WDR90: variants seen among roughly 807,000 people sequenced by gnomAD.
The protein encoded by WDR90 is WD repeat domain 90.
Under a neutral mutation model 195.2 loss-of-function variants are expected in WDR90, and 238 were observed. The ratio of observed to expected loss-of-function variants is 1.22; its 90% confidence interval spans 1.10 to 1.36. The LOEUF (loss-of-function observed/expected upper bound fraction) is 1.36, where lower values mean the gene tolerates loss of function less well. WDR90 is among the 40% of genes most tolerant of loss of function. WDR90 has a pLI of 0.00. For synonymous variants in WDR90, 1,265 were observed against 1,052.4 expected (o/e 1.20, Z -3.91); for missense variants, 2,734 against 2,439.5 (o/e 1.12, Z -2.54).
chr16:661,499 T>G lies in WDR90; in HGVS notation c.3671T>G (p.Leu1224Arg), dbSNP rs765815301. Residue 1224 changes from leucine to arginine, a missense_variant and splice_region_variant, in exon 30 of 41, where the codon CTG (leucine) becomes CGG (arginine). Coordinates refer to ENST00000293879, the MANE Select transcript of WDR90 (RefSeq NM_145294.5). ...CCAGATGACAGGCTTCTTGTCACAC[T>G]GGGTCAGTGGGAGGGAGGGTGGAGG... Reference protein sequence around the residue: ...FSPDDRLLVTLGDHDGRTLAL... With the variant: ...FSPDDRLLVTRGDHDGRTLAL... 9.4e-6 allele frequency: 15 copies of G among 1,601,192 alleles called. No homozygotes were observed. The highest frequency in any genetic ancestry group is 1.3e-5 in the African/African-American group (1 of 74,680).
At chr16:656,014 G>A in intron 17 of WDR90, 125 bp downstream of exon 17, 6 of 1,167,840 alleles carry the variant, frequency 5.1e-6, no homozygotes, top group Non-Finnish European at 7.2e-6. Flanking sequence ...GGGTGCCACG[G>A]GGCCAAGTGG....
intron 28 of WDR90, 73 bp from the exon 29 acceptor site, chr16:660,970 CCTGTTCGG>C: frequency 3.3e-5 from 14 of 429,256 alleles, no homozygotes; most frequent in South Asian, 1.6e-4. Context: ...GGCCCCGCCC[CCTGTTCGG>C]CCCCTCCCCA....
At chr16:651,146 A>G in intron 6 of WDR90, 43 bp downstream of exon 6, 2 of 727,004 alleles carry the variant, frequency 2.8e-6, no homozygotes, top group Non-Finnish European at 2.3e-6. Context: ...CGGTGGTGGG[A>G]GGGTGGGTGG....
At position 651,045 on chromosome 16, in the gene WDR90, G is replaced by A; in HGVS notation, c.610G>A (p.Glu204Lys). Reference protein sequence around the residue: ...AKLPVTPMPREMAFPVPKGES... With the variant: ...AKLPVTPMPRKMAFPVPKGES... Reference sequence around the variant, plus strand: ...GCTGCCCGTGACTCCTATGCCTCGGGAAATGGCATTCCCTGTGCCCAAGGG... The same window carrying A: ...GCTGCCCGTGACTCCTATGCCTCGGAAAATGGCATTCCCTGTGCCCAAGGG... The change falls in exon 6 of 41, where the codon GAA becomes AAA. Residue 204 changes from glutamate (E) to lysine (K), a missense_variant. Physicochemically the swap from Glu to Lys is moderately conservative, Grantham distance 56 (BLOSUM62 1). Transcript: ENST00000293879. 1 of 1,612,702 alleles carries A rather than the reference G, an allele frequency of 6.2e-7. No homozygotes were observed. Among genetic ancestry groups the A allele is most frequent in the Non-Finnish European group, 8.5e-7 (1 of 1,179,456 alleles).
chr16:656,550 A>C lies in WDR90; in HGVS notation c.2202+13A>C. The C allele has an allele frequency of 6.4e-7, 1 of 1,564,778 alleles. No individual in the cohort carries two copies. Among genetic ancestry groups the C allele is most frequent in the Non-Finnish European group, 8.6e-7 (1 of 1,156,564 alleles). The stretch of plus-strand genomic sequence containing the variant: ...CACCCTGCAGCAGGTGGGGTTTGGC[A>C]GGGGCAGCACGGCAGGGAGGGCCGG... On this transcript the variant is annotated intron_variant, in intron 18 of 40. Transcript: ENST00000293879.
Position 649,414 on chromosome 16 carries a change from G to T in WDR90, c.-3G>T. On this transcript the variant is annotated 5_prime_UTR_variant, in exon 1 of 41. Coordinates refer to ENST00000293879, the MANE Select transcript of WDR90 (RefSeq NM_145294.5). ...CTAGGCGGGAAGCTCGAGCGGCGGCGCCATGGCCCGAGGTAGCGCGCGGCT... is the reference window on the plus strand; with the variant it reads ...CTAGGCGGGAAGCTCGAGCGGCGGCTCCATGGCCCGAGGTAGCGCGCGGCT... 2 of 1,312,316 alleles carry T rather than the reference G, an allele frequency of 1.5e-6. No individual in the cohort carries two copies. Among genetic ancestry groups the T allele is most frequent in the Non-Finnish European group, 1.9e-6 (2 of 1,033,866 alleles). The allele number at this position is 1,312,316 out of a possible 1,614,324, so 81.3% of individuals were successfully genotyped here.
In WDR90 at chr16:656,449, C is replaced by T. The variant is rs1262006997; in HGVS notation, c.2114C>T (p.Ala705Val). 1.2e-6 allele frequency: 2 copies of T among 1,600,364 alleles called. No homozygotes were observed. Among genetic ancestry groups the T allele is most frequent in the Admixed American group, 1.7e-5 (1 of 59,124 alleles). Residue 705 changes from alanine (A) to valine (V), a missense_variant, in exon 18 of 41, where the codon GCC (alanine) becomes GTC (valine). By Grantham distance (64) the Ala-to-Val change is moderately conservative. Coordinates refer to ENST00000293879, the MANE Select transcript of WDR90 (RefSeq NM_145294.5). ...CGCTCCCACACCGCCCCGGTGTTGG[C>T]CCTCGCCATGGAGCAGAGGCGGGGA... ...LARSHTAPVLALAMEQRRGQL... is the reference protein window; with the variant it reads ...LARSHTAPVLVLAMEQRRGQL...
chr16:658,509 G>A lies in WDR90; in HGVS notation c.2767-16G>A, dbSNP rs1391452623. The A allele has an allele frequency of 1.2e-6, 2 of 1,600,154 alleles. No homozygotes were observed. The highest frequency in any genetic ancestry group is 1.7e-6 in the Non-Finnish European group (2 of 1,170,276). ...TCTCCTGAGACACGGCATTTCCCAA[G>A]AGCACTGTGTTCCAGCTGCCCGGTG... On this transcript the variant is annotated splice_polypyrimidine_tract_variant and intron_variant, in intron 22 of 40. Coordinates refer to ENST00000293879, the MANE Select transcript of WDR90 (RefSeq NM_145294.5).
At chr16:662,652 T>C (rs1184941215) in intron 33 of WDR90, 27 bp from the exon 34 acceptor site, 1 of 1,520,844 alleles carries the variant, frequency 6.6e-7, no homozygotes. Context: ...CCCATTGTTC[T>C]CTCCTTCCCT....
intron 29 of WDR90, 43 bp from the exon 30 acceptor site, chr16:661,299 C>A (rs2037907803): frequency 3.9e-6 from 6 of 1,550,846 alleles, no homozygotes; most frequent in Non-Finnish European, 5.2e-6. Flanking sequence ...CCACTCCAGC[C>A]AGCCACGGCC....
chr16:659,055 C>A, intron 24 of WDR90, 31 bp from the exon 25 acceptor site: 9 of 1,613,206 alleles, frequency 5.6e-6, no homozygotes, highest in Non-Finnish European at 7.6e-6. Context: ...CCCCCCAGGC[C>A]CTCCTGAAAC....
At chr16:659,207 C>T (rs1162793489) in intron 25 of WDR90, 38 bp from the exon 26 acceptor site, 1 of 1,610,704 alleles carries the variant, frequency 6.2e-7, no homozygotes, top group South Asian at 1.1e-5. Context: ...GGCCCTTCCT[C>T]TTCCTTCCCA....
At chr16:664,077 T>G (rs2037971589) in intron 34 of WDR90, among the ~76,000 whole-genome samples, 1 of 152,162 alleles carries the variant, frequency 6.6e-6, no homozygotes, top group Non-Finnish European at 1.5e-5. Flanking sequence ...AGGTGAGGGT[T>G]GTTTACTTTT....
chr16:655,821 C>G lies in WDR90; in HGVS notation c.1898C>G (p.Ala633Gly), dbSNP rs746115560. ...SSLSVSPAMC[A>G]VGSEDGFLRL... Reference sequence around the variant, plus strand: ...CTCAGCGTCTCCCCGGCCATGTGTGCTGTGGGCTCTGAGGACGGCTTCTTG... The same window carrying G: ...CTCAGCGTCTCCCCGGCCATGTGTGGTGTGGGCTCTGAGGACGGCTTCTTG... The change falls in exon 17 of 41, where the codon GCT becomes GGT. Residue 633 changes from alanine (A) to glycine (G), a missense_variant. Transcript: ENST00000293879. 3 of 1,596,110 alleles carry G rather than the reference C, an allele frequency of 1.9e-6. No individual in the cohort carries two copies. Among genetic ancestry groups the G allele is most frequent in the Non-Finnish European group, 1.7e-6 (2 of 1,173,134 alleles).
intron 34 of WDR90, chr16:663,186 C>A: frequency 2.6e-6 from 1 of 392,114 alleles, no homozygotes; most frequent in Non-Finnish European, 5.0e-6. Flanking sequence ...GCCTGTGATC[C>A]CAGCACTCTG....
At position 666,925 on chromosome 16, in the gene WDR90, G is replaced by A. The variant is rs369388646; in HGVS notation, c.5025G>A (p.Leu1675=). Residue 1675 remains leucine (L), a synonymous_variant, in exon 40 of 41, where the codon CTG becomes CTA. Transcript: ENST00000293879. ...CACAGGTGGTGGAGAAGATACCACT[G>A]CCCTTTTTTGCCATGTCCCTGAGCC... ...CQKQVVEKIP[L]PFFAMSLSLS... 17 of 1,613,070 alleles carry A rather than the reference G, an allele frequency of 1.1e-5. No homozygotes were observed. The African/African-American group carries it at 2.3e-4, about 21-fold the overall frequency.
intron 34 of WDR90, 87 bp from the exon 35 acceptor site, chr16:665,592 G>A (rs765386925): frequency 1.1e-5 from 17 of 1,602,668 alleles, no homozygotes; most frequent in African/African-American, 2.7e-5. Context: ...TGGACAGCCC[G>A]GCCCTGGGGG....
chr16:657,470 C>T (rs372679626), intron 20 of WDR90: 2 of 728,788 alleles, frequency 2.7e-6, no homozygotes. Flanking sequence ...AGCTCCAGGT[C>T]AGCAGCTGGA....
Position 662,667 on chromosome 16 carries a change from C to A in WDR90, c.4146-12C>A, listed in dbSNP as rs763430988. 6.5e-7 allele frequency: 1 copy of A among 1,531,972 alleles called. No individual in the cohort carries two copies. The highest frequency in any genetic ancestry group is 1.3e-5 in the South Asian group (1 of 78,226). 94.9% of individuals were successfully genotyped at this position (1,531,972 alleles called of 1,614,324 possible). ...CCCATTGTTCTCTCCTTCCCTGCAC[C>A]CTGAGGTCCAGTTCTGTGTTCATGG... On this transcript the variant is annotated splice_polypyrimidine_tract_variant and intron_variant, in intron 33 of 40. Transcript: ENST00000293879.
Sources: gnomAD v4.1 joint callset for allele counts (sites outside exome capture counted in the v4.1 genomes callset) on GRCh38, gnomAD v4.1.1 for gene constraint, MANE v1.5 for transcripts, NCBI Gene and HGNC (gene_info 2026-07-23, HGNC 2026-07-21) for gene names.